The following NRXN3 variants were observed in gnomAD, a reference collection of about 807,000 sequenced individuals.
NRXN3 encodes neurexin III.
In NRXN3, 32 loss-of-function variants were observed where a neutral mutation model predicts 137.6. The ratio of observed to expected loss-of-function variants is 0.23; its 90% confidence interval spans 0.18 to 0.31. The LOEUF is 0.31. Among genes scored for constraint, NRXN3 ranks in the 10% least tolerant of loss-of-function variants. The pLI, the probability that NRXN3 is intolerant of heterozygous loss-of-function variation, is 1.00. For missense variants in NRXN3, 1,574 were observed against 2,062.5 expected, an observed-to-expected ratio of 0.76 and a Z score of 4.59; for synonymous variants, 798 against 784.5, an observed-to-expected ratio of 1.02 and a Z score of -0.29.
intron 15 of NRXN3, among the ~76,000 whole-genome samples, chr14:79,143,983 A>T (rs1321608159): frequency 6.6e-6 from 1 of 152,168 alleles, no homozygotes; most frequent in Non-Finnish European, 1.5e-5. Flanking sequence ...ATAAAGGTGG[A>T]GTGAAGGCAA....
At chr14:79,218,400 A>AT (rs1197359877) in intron 15 of NRXN3, among the ~76,000 whole-genome samples, 3 of 152,186 alleles carry the variant, frequency 2.0e-5, no homozygotes, top group Non-Finnish European at 4.4e-5. Flanking sequence ...AATTAAAAGC[A>AT]TCCATTCTTT....
chr14:79,458,868 A>G (rs971263403), intron 15 of NRXN3, among the ~76,000 whole-genome samples: 1 of 152,134 alleles, frequency 6.6e-6, no homozygotes. Flanking sequence ...TATTCACTTT[A>G]TAAGAGGACA....
intron 20 of NRXN3, among the ~76,000 whole-genome samples, chr14:79,816,978 T>A (rs1318080600): frequency 6.6e-6 from 1 of 152,230 alleles, no homozygotes. Context: ...GTCCTTCTAA[T>A]TTGACAAGAT....
intron 8 of NRXN3, among the ~76,000 whole-genome samples, chr14:78,761,990 G>A (rs2098693880): frequency 6.6e-6 from 1 of 152,162 alleles, no homozygotes; most frequent in South Asian, 2.1e-4. Flanking sequence ...TACAGATAGG[G>A]AAATTGAGGC....
At chr14:79,740,158 C>G (rs951416763) in intron 19 of NRXN3, among the ~76,000 whole-genome samples, 1 of 152,140 alleles carries the variant, frequency 6.6e-6, no homozygotes, top group African/African-American at 2.4e-5. Flanking sequence ...CTCCCTCCCC[C>G]TTTATATTCA....
chr14:78,249,964 T>G (rs1449648820), intron 2 of NRXN3: 2 of 360,764 alleles, frequency 5.5e-6, no homozygotes, highest in African/African-American at 4.3e-5. Context: ...GTATCTTCTT[T>G]AGTAACAATG....
At chr14:79,409,205 G>A (rs912157775) in intron 15 of NRXN3, among the ~76,000 whole-genome samples, 42 of 151,828 alleles carry the variant, frequency 2.8e-4, no homozygotes, top group African/African-American at 9.7e-4. Flanking sequence ...CAAAGTAACA[G>A]GAGCTCAGGG....
At chr14:79,278,859 G>GC (rs2080753735) in intron 15 of NRXN3, among the ~76,000 whole-genome samples, 1 of 152,136 alleles carries the variant, frequency 6.6e-6, no homozygotes, top group African/African-American at 2.4e-5. Context: ...AGACACACGC[G>GC]CCTGGAGAGT....
intron 16 of NRXN3, among the ~76,000 whole-genome samples, chr14:79,545,681 T>G (rs1567456200): frequency 6.6e-6 from 1 of 151,766 alleles, no homozygotes; most frequent in Non-Finnish European, 1.5e-5. Context: ...TTTTTTTTGT[T>G]GTTGTTGTTT....
chr14:79,427,961 G>C (rs1302393518), intron 15 of NRXN3, among the ~76,000 whole-genome samples: 1 of 152,132 alleles, frequency 6.6e-6, no homozygotes, highest in Non-Finnish European at 1.5e-5. Context: ...ATAAGATCGA[G>C]GATCCCATTC....
intron 4 of NRXN3, among the ~76,000 whole-genome samples, chr14:78,538,572 G>T (rs1262076748): frequency 6.6e-6 from 1 of 152,178 alleles, no homozygotes; most frequent in African/African-American, 2.4e-5. Flanking sequence ...GAGACAATTT[G>T]ACTTCCTCAT....
At chr14:78,926,893 TATATATA>T (rs1281778147) in intron 10 of NRXN3, among the ~76,000 whole-genome samples, 5 of 26,892 alleles carry the variant, frequency 1.9e-4, no homozygotes, top group African/African-American at 1.5e-3. Flanking sequence ...TATTTATATA[TATATATA>T]ATATATATAA....
At chr14:79,815,653 T>C (rs574131763) in intron 20 of NRXN3, among the ~76,000 whole-genome samples, 1 of 152,294 alleles carries the variant, frequency 6.6e-6, no homozygotes, top group South Asian at 2.1e-4. Flanking sequence ...AGCTGCTTGC[T>C]GATAAATATT....
intron 1 of NRXN3, among the ~76,000 whole-genome samples, chr14:78,205,021 GT>G (rs1482370366): frequency 6.6e-6 from 1 of 152,186 alleles, no homozygotes; most frequent in East Asian, 1.9e-4. Flanking sequence ...TCTGCCCTTT[GT>G]GTTGATGGGG....
At chr14:78,714,594 C>A (rs1283645501) in intron 7 of NRXN3, among the ~76,000 whole-genome samples, 162 bp from the exon 8 acceptor site, 1 of 152,132 alleles carries the variant, frequency 6.6e-6, no homozygotes, top group Non-Finnish European at 1.5e-5. Context: ...TGGAACCAAA[C>A]GGCCTACATT....
intron 8 of NRXN3, among the ~76,000 whole-genome samples, chr14:78,793,671 T>C (rs1214163412): frequency 6.6e-6 from 1 of 152,190 alleles, no homozygotes; most frequent in Non-Finnish European, 1.5e-5. Flanking sequence ...CCAGGGTTTT[T>C]ACCGGAGGTC....
chr14:78,424,511 T>G (rs898849045), intron 4 of NRXN3, among the ~76,000 whole-genome samples: 3 of 152,244 alleles, frequency 2.0e-5, no homozygotes, highest in African/African-American at 7.2e-5. Context: ...TTTCTTTCAG[T>G]AGCCAGTTTA....
intron 20 of NRXN3, among the ~76,000 whole-genome samples, chr14:79,829,600 C>T (rs530300032): frequency 9.2e-5 from 14 of 152,282 alleles, no homozygotes; most frequent in Non-Finnish European, 1.8e-4. Context: ...TAATTACCCA[C>T]GCATGATCAA....
In NRXN3 at chr14:79,149,710, C is replaced by T. The variant is rs141351147; in HGVS notation, c.3262+161569C>T. Among the ~76,000 whole-genome samples, 6 of 152,112 alleles carry T rather than the reference C, an allele frequency of 3.9e-5. No individual in the cohort carries two copies. The South Asian group carries it at 6.2e-4, about 16-fold the overall frequency. The stretch of plus-strand genomic sequence containing the variant: ...AATGAGATCATGTCCTTTGCAGGGA[C>T]GTGGAAGGAGCTGGAAGCCATTATC... On this transcript the variant is annotated intron_variant, in intron 15 of 20. Transcript: ENST00000335750.
Sources: gnomAD v4.1 joint callset for allele counts (sites outside exome capture counted in the v4.1 genomes callset) on GRCh38, gnomAD v4.1.1 for gene constraint, MANE v1.5 for transcripts, NCBI Gene and HGNC (gene_info 2026-07-23, HGNC 2026-07-21) for gene names.